The following DENND5B variants were observed in gnomAD, a reference collection of about 807,000 sequenced individuals.
DENND5B encodes DENN domain containing 5B, also known as DENN domain-containing protein 5B.
A neutral mutation model predicts 140.6 loss-of-function variants in DENND5B; 34 were observed. The observed-to-expected ratio is 0.24, with a 90% CI of 0.18 to 0.32. The LOEUF is 0.32. Among genes scored for constraint, DENND5B ranks in the 10% least tolerant of loss-of-function variants. DENND5B has a pLI of 1.00. For synonymous variants in DENND5B, 551 were observed against 562.1 expected (o/e 0.98, Z 0.28); for missense variants, 1,142 against 1,560.2 (o/e 0.73, Z 4.52).
intron 1 of DENND5B, among the ~76,000 whole-genome samples, chr12:31,544,300 G>C (rs1351511686): frequency 1.3e-5 from 2 of 151,726 alleles, no homozygotes; most frequent in Non-Finnish European, 2.9e-5. Flanking sequence ...TTTTATTTTT[G>C]AGACAGGGTT....
At position 31,501,815 on chromosome 12, in the gene DENND5B, G is replaced by A. The variant is rs7295787; in HGVS notation, c.128-5896C>T. On this transcript the variant is annotated intron_variant, in intron 1 of 20. Coordinates refer to ENST00000389082, the MANE Select transcript of DENND5B (RefSeq NM_144973.4). ...AAGAAAAAAGAAATCTAAATAGAGT[G>A]TAGACTTTAGTTAGCAATAATGTAT... 7.4e-3 allele frequency among the ~76,000 whole-genome samples: 1,121 copies of A among 151,460 alleles called. 13 individuals are homozygous for A. The highest frequency in any genetic ancestry group is 0.026 in the African/African-American group (1,054 of 41,324).
At chr12:31,523,311 C>T (rs529744196) in intron 1 of DENND5B, among the ~76,000 whole-genome samples, 2 of 152,262 alleles carry the variant, frequency 1.3e-5, no homozygotes, top group African/African-American at 2.4e-5. Flanking sequence ...GATCCGCCTG[C>T]CTTGGCCTTC....
intron 11 of DENND5B, among the ~76,000 whole-genome samples, chr12:31,420,677 C>T (rs1942979335): frequency 6.6e-6 from 1 of 152,088 alleles, no homozygotes; most frequent in African/African-American, 2.4e-5. Flanking sequence ...CTTCTGGCCT[C>T]AAGTAATTTG....
chr12:31,472,709 A>G (rs778794017), intron 3 of DENND5B, among the ~76,000 whole-genome samples: 1 of 152,164 alleles, frequency 6.6e-6, no homozygotes, highest in Non-Finnish European at 1.5e-5. Flanking sequence ...CAGCACAGAG[A>G]AATTTAAAAT....
At chr12:31,573,468 T>G (rs1949892902) in intron 1 of DENND5B, among the ~76,000 whole-genome samples, 1 of 152,266 alleles carries the variant, frequency 6.6e-6, no homozygotes, top group Non-Finnish European at 1.5e-5. Context: ...AGACATTTCA[T>G]ATCTGGGCCT....
chr12:31,547,831 A>T (rs1948914836), intron 1 of DENND5B, among the ~76,000 whole-genome samples: 1 of 152,002 alleles, frequency 6.6e-6, no homozygotes, highest in Non-Finnish European at 1.5e-5. Context: ...CAGCCTCCCA[A>T]GTAGCTGGGA....
At chr12:31,479,509 A>C in intron 3 of DENND5B, 80 bp downstream of exon 3, 1 of 1,308,056 alleles carries the variant, frequency 7.6e-7, no homozygotes, top group Non-Finnish European at 1.0e-6. Context: ...TTCGGTTCTA[A>C]TAATATACCC....
At position 31,483,350 on chromosome 12, in the gene DENND5B, G is replaced by A. The variant is rs76906759; in HGVS notation, c.238-3095C>T. 8.5e-4 allele frequency among the ~76,000 whole-genome samples: 129 copies of A among 152,282 alleles called. 1 individual carries two copies. In the East Asian group the frequency reaches 0.023, roughly 27 times the overall value. Reference sequence around the variant, plus strand: ...TGCTCCACTCCACATTGTATTAGGTGAGTGCAAAAGTAACTGTGGTTTTTG... The same window carrying A: ...TGCTCCACTCCACATTGTATTAGGTAAGTGCAAAAGTAACTGTGGTTTTTG... On this transcript the variant is annotated intron_variant, in intron 2 of 20. Coordinates refer to ENST00000389082, the MANE Select transcript of DENND5B (RefSeq NM_144973.4).
chr12:31,510,087 CGT>C (rs1283156989), intron 1 of DENND5B, among the ~76,000 whole-genome samples: 1 of 152,142 alleles, frequency 6.6e-6, no homozygotes, highest in Non-Finnish European at 1.5e-5. Context: ...TGCTAGACTT[CGT>C]GTGTCTGAAA....
At chr12:31,439,439 TC>T in intron 7 of DENND5B, among the ~76,000 whole-genome samples, 1 of 152,220 alleles carries the variant, frequency 6.6e-6, no homozygotes. Context: ...ACTTTGTTTT[TC>T]TTCATAACTC....
intron 1 of DENND5B, among the ~76,000 whole-genome samples, chr12:31,553,991 C>T (rs1251527008): frequency 2.0e-5 from 3 of 152,260 alleles, no homozygotes; most frequent in East Asian, 3.9e-4. Context: ...GAATACAGCA[C>T]ACTGATGGGT....
At chr12:31,404,975 G>C (rs1162994540) in intron 14 of DENND5B, among the ~76,000 whole-genome samples, 2 of 151,780 alleles carry the variant, frequency 1.3e-5, no homozygotes, top group African/African-American at 2.4e-5. Flanking sequence ...GACCAGGATG[G>C]TCTCGAACTC....
intron 11 of DENND5B, among the ~76,000 whole-genome samples, chr12:31,419,481 T>G (rs1942920073): frequency 6.6e-6 from 1 of 151,884 alleles, no homozygotes; most frequent in Non-Finnish European, 1.5e-5. Context: ...AAGTTAAACA[T>G]TTTATTTATT....
intron 15 of DENND5B, among the ~76,000 whole-genome samples, chr12:31,400,265 T>C (rs1194583416): frequency 6.6e-6 from 1 of 152,206 alleles, no homozygotes; most frequent in Non-Finnish European, 1.5e-5. Flanking sequence ...TAGGTATATA[T>C]ATTTATAGGG....
chr12:31,554,937 G>C (rs1949219522), intron 1 of DENND5B, among the ~76,000 whole-genome samples: 1 of 152,086 alleles, frequency 6.6e-6, no homozygotes, highest in Non-Finnish European at 1.5e-5. Context: ...CTCTGCATTG[G>C]TTATTCTAGT....
chr12:31,456,345 A>C (rs1373466883), intron 4 of DENND5B, among the ~76,000 whole-genome samples: 1 of 151,870 alleles, frequency 6.6e-6, no homozygotes, highest in Non-Finnish European at 1.5e-5. Flanking sequence ...AAAAAAAAAA[A>C]AAAATTCCCT....
intron 1 of DENND5B, among the ~76,000 whole-genome samples, chr12:31,562,145 A>C (rs975774775): frequency 2.0e-5 from 3 of 152,218 alleles, no homozygotes; most frequent in Admixed American, 2.0e-4. Context: ...AAGTAGCTTC[A>C]AGTCTAGAAG....
At chr12:31,520,310 T>C (rs1361179553) in intron 1 of DENND5B, among the ~76,000 whole-genome samples, 1 of 152,226 alleles carries the variant, frequency 6.6e-6, no homozygotes, top group Non-Finnish European at 1.5e-5. Flanking sequence ...TTTAACCTTG[T>C]TTCCAAAATA....
chr12:31,412,930 CT>C (rs899367809), intron 13 of DENND5B, among the ~76,000 whole-genome samples: 6 of 148,418 alleles, frequency 4.0e-5, no homozygotes, highest in South Asian at 2.1e-4. Flanking sequence ...GCAATCCGGC[CT>C]TTTTTTTTTG....
Sources: allele counts gnomAD v4.1 joint callset (sites outside exome capture counted in the v4.1 genomes callset), GRCh38; gene constraint gnomAD v4.1.1; transcripts MANE v1.5; gene names NCBI Gene and HGNC (gene_info 2026-07-23, HGNC 2026-07-21).